Variants in PPL observed in about 807,000 individuals in gnomAD.
The protein encoded by PPL is periplakin.
In PPL, 198 loss-of-function variants were observed where a neutral mutation model predicts 194.4. The observed-to-expected ratio is 1.02, with a 90% confidence interval of 0.91 to 1.15. The LOEUF (loss-of-function observed/expected upper bound fraction) is 1.15, where lower values mean the gene tolerates loss of function less well. PPL is among the 50% of genes most tolerant of loss of function. The pLI is 0.00. For synonymous variants in PPL, 1,220 were observed against 972.4 expected (o/e 1.25, Z -4.74); for missense variants, 2,885 against 2,294.8 (o/e 1.26, Z -5.25).
chr16:4,916,671 A>T (rs2088923132), intron 1 of PPL, among the ~76,000 whole-genome samples: 1 of 147,652 alleles, frequency 6.8e-6, no homozygotes, highest in Non-Finnish European at 1.5e-5. Context: ...TGCCCAGCTA[A>T]TTTTTTTTTT....
intron 21 of PPL, among the ~76,000 whole-genome samples, chr16:4,886,525 T>C (rs1325442435): frequency 6.6e-6 from 1 of 152,254 alleles, no homozygotes; most frequent in Non-Finnish European, 1.5e-5. Context: ...AGCCCATTGC[T>C]GATGAAGAGT....
intron 1 of PPL, among the ~76,000 whole-genome samples, chr16:4,922,505 T>C (rs989453401): frequency 6.6e-6 from 1 of 151,964 alleles, no homozygotes; most frequent in Non-Finnish European, 1.5e-5. Context: ...CTACTAAAAA[T>C]ACAAAAATTA....
intron 1 of PPL, among the ~76,000 whole-genome samples, chr16:4,936,167 C>T (rs1302083797): frequency 2.6e-5 from 4 of 152,192 alleles, no homozygotes; most frequent in Admixed American, 2.0e-4. Context: ...CCTCCCAGGC[C>T]GCCCTGGGAA....
chr16:4,891,816 G>C lies in PPL; in HGVS notation c.1963C>G (p.Leu655Val), dbSNP rs775447885. 6 of 1,609,958 alleles carry C rather than the reference G, an allele frequency of 3.7e-6. No homozygotes were observed. Among genetic ancestry groups the C allele is most frequent in the African/African-American group, 1.3e-5 (1 of 74,808 alleles). ...SRVLDSKGQE[L>V]AAMACELQAQ... The stretch of plus-strand genomic sequence containing the variant: ...GACTTGGGCCCTAGACTCACCGCCA[G>C]CTCCTGCCCCTTGCTGTCCAGGACA... The change falls in exon 16 of 22, where the codon CTG becomes GTG. Residue 655 changes from leucine (L) to valine (V), a missense_variant. Physicochemically the swap from Leu to Val is conservative, Grantham distance 32. Coordinates refer to ENST00000345988, the MANE Select transcript of PPL (RefSeq NM_002705.5).
intron 1 of PPL, among the ~76,000 whole-genome samples, chr16:4,930,942 G>A (rs537207311): frequency 9.5e-4 from 145 of 152,296 alleles, no homozygotes; most frequent in Non-Finnish European, 1.5e-3. Context: ...GATTTATGTC[G>A]TAAGGAGCTC....
rs61744956 is a variant in PPL, at chr16:4,885,849, C to G, written c.2806G>C (p.Glu936Gln). The G allele has an allele frequency of 2.2e-3, 3,462 of 1,607,882 alleles. 72 individuals carry two copies. In the African/African-American group the frequency reaches 0.04, roughly 18 times the overall value. ...QGPQESVVRKEVLKKVPDPVL... is the reference protein window; with the variant it reads ...QGPQESVVRKQVLKKVPDPVL... ...GGATCCGGCACCTTCTTGAGCACCTCCTTCCTCACCACCGATTCCTGAGGC... is the reference window on the plus strand; with the variant it reads ...GGATCCGGCACCTTCTTGAGCACCTGCTTCCTCACCACCGATTCCTGAGGC... The change falls in exon 22 of 22, where the codon GAG becomes CAG. Residue 936 changes from glutamate (E) to glutamine (Q), a missense_variant. Glu to Gln is a conservative substitution (Grantham distance 29). Coordinates refer to ENST00000345988, the MANE Select transcript of PPL (RefSeq NM_002705.5). This position sits in a 1 kb window ranked among gnomAD's most constrained non-coding sequence, Gnocchi z 6.3.
chr16:4,918,551 A>C (rs1043745756), intron 1 of PPL, among the ~76,000 whole-genome samples: 2 of 152,206 alleles, frequency 1.3e-5, no homozygotes, highest in African/African-American at 4.8e-5. Context: ...GGAGGATTAC[A>C]ACTTTAAGTG....
intron 13 of PPL, 80 bp downstream of exon 13, chr16:4,893,461 C>A: frequency 6.3e-7 from 1 of 1,591,678 alleles, no homozygotes; most frequent in South Asian, 1.1e-5. Context: ...CCCCCGCCGT[C>A]TCATCCACAG....
chr16:4,897,473 C>T (rs1414542798), intron 9 of PPL, among the ~76,000 whole-genome samples: 1 of 152,108 alleles, frequency 6.6e-6, no homozygotes, highest in Non-Finnish European at 1.5e-5. Flanking sequence ...CCCTGGTCCC[C>T]AGGGAAGTTG....
In PPL at chr16:4,904,521, G is replaced by A. The variant is rs184160785; in HGVS notation, c.163-481C>T. Reference sequence around the variant, plus strand: ...ACCTACTTCAGCTCTGGTGGTCAGGGAAGCCTCTTCGTGGTGGAGACACAA... The same window carrying A: ...ACCTACTTCAGCTCTGGTGGTCAGGAAAGCCTCTTCGTGGTGGAGACACAA... On this transcript the variant is annotated intron_variant, in intron 2 of 21. Coordinates refer to ENST00000345988, the MANE Select transcript of PPL (RefSeq NM_002705.5). 4.7e-3 allele frequency among the ~76,000 whole-genome samples: 717 copies of A among 152,270 alleles called. 5 individuals carry two copies. The highest frequency in any genetic ancestry group is 0.016 in the African/African-American group (678 of 41,542).
rs758352501 is a variant in PPL, at chr16:4,910,915, G to A, written c.97C>T (p.Gln33Ter). ...ACCTGGTCGGCATTCTTCTGCAGCT[G>A]CTCGATCAGCTCCGAGAGCTCCTTG... Reference protein sequence around the residue: ...SNKELSELIEQLQKNADQVEK... With the variant: ...SNKELSELIE The change falls in exon 2 of 22, where the codon CAG (glutamine) becomes TAG (stop). Residue 33 changes from glutamine to a stop codon, truncating the protein, a stop_gained. Transcript: ENST00000345988. LOFTEE classifies it high-confidence loss of function. The A allele has an allele frequency of 3.1e-6, 5 of 1,613,480 alleles. No homozygotes were observed. The South Asian group carries it at 5.5e-5, about 18-fold the overall frequency.
chr16:4,904,247 G>A lies in PPL; in HGVS notation c.163-207C>T, dbSNP rs1038085107. Among the ~76,000 whole-genome samples, 4 of 152,208 alleles carry A rather than the reference G, an allele frequency of 2.6e-5. No individual in the cohort carries two copies. The East Asian group carries it at 7.7e-4, about 29-fold the overall frequency. On this transcript the variant is annotated intron_variant, in intron 2 of 21. Coordinates refer to ENST00000345988, the MANE Select transcript of PPL (RefSeq NM_002705.5). ...TTTCTCAAGTTCACTTTGCAAAGCA[G>A]GTATTTCTCTTATGCCCCCTCCAGC...
At chr16:4,917,527 G>C (rs1442428600) in intron 1 of PPL, among the ~76,000 whole-genome samples, 1 of 152,154 alleles carries the variant, frequency 6.6e-6, no homozygotes, top group African/African-American at 2.4e-5. Flanking sequence ...GATTGCTAAG[G>C]GGTATCAGAT....
intron 2 of PPL, among the ~76,000 whole-genome samples, chr16:4,909,320 G>T (rs1359362807): frequency 6.6e-6 from 1 of 152,132 alleles, no homozygotes; most frequent in African/African-American, 2.4e-5. Flanking sequence ...CAGCCAAGGG[G>T]GTTGGATACC....
chr16:4,894,804 C>T (rs2088389322), intron 11 of PPL, among the ~76,000 whole-genome samples, 186 bp from the exon 12 acceptor site: 1 of 152,204 alleles, frequency 6.6e-6, no homozygotes, highest in Admixed American at 6.5e-5. Flanking sequence ...CAGCAACCCA[C>T]CTCCATTTCC....
At position 4,893,849 on chromosome 16, in the gene PPL, C is replaced by T; in HGVS notation, c.1395-211G>A. 3 of 575,248 alleles carry T rather than the reference C, an allele frequency of 5.2e-6. No homozygotes were observed. In the South Asian group the frequency reaches 6.5e-5, roughly 12 times the overall value. The allele number at this position is 575,248 out of a possible 1,614,324, so 35.6% of individuals were successfully genotyped here. The stretch of plus-strand genomic sequence containing the variant: ...CCTTCCCTCCTCTTTCGTAGGAAGT[C>T]TCACTACCTAAAATTGTCTGTCCAA... On this transcript the variant is annotated intron_variant, in intron 12 of 21. Coordinates refer to ENST00000345988, the MANE Select transcript of PPL (RefSeq NM_002705.5).
At chr16:4,932,710 G>A (rs1246264918) in intron 1 of PPL, among the ~76,000 whole-genome samples, 2 of 152,080 alleles carry the variant, frequency 1.3e-5, no homozygotes, top group South Asian at 2.1e-4. Context: ...GAGCTACCGC[G>A]CCCAGCCCGT....
intron 9 of PPL, 52 bp from the exon 10 acceptor site, chr16:4,895,768 G>C (rs1596552175): frequency 6.2e-7 from 1 of 1,611,162 alleles, no homozygotes; most frequent in East Asian, 2.2e-5. Context: ...GAAGCACCTG[G>C]GCTTCTGTCG....
rs1305014631 is a variant in PPL, at chr16:4,902,011, A to C, written c.438+395T>G. Among the ~76,000 whole-genome samples the C allele has an allele frequency of 1.3e-5, 2 of 152,188 alleles. No homozygotes were observed. Among genetic ancestry groups the C allele is most frequent in the African/African-American group, 4.8e-5 (2 of 41,438 alleles). The stretch of plus-strand genomic sequence containing the variant: ...GGAAGCTAAGGCTTGAACCCGGGAC[A>C]CCTAGCTGCAGTGGCTGTGTGCTTC... On this transcript the variant is annotated intron_variant, in intron 4 of 21. Transcript: ENST00000345988. This position sits in a 1 kb window ranked among gnomAD's most constrained non-coding sequence, Gnocchi z 4.0.
Sources: gnomAD v4.1 joint callset for allele counts (sites outside exome capture counted in the v4.1 genomes callset) on GRCh38, gnomAD v4.1.1 for gene constraint, Gnocchi (gnomAD v3.1) non-coding constraint, MANE v1.5 for transcripts, NCBI Gene and HGNC (gene_info 2026-07-23, HGNC 2026-07-21) for gene names.